The following PAM16 variants were observed in gnomAD, a reference collection of about 807,000 sequenced individuals.
The protein encoded by PAM16 is presequence translocase associated motor 16.
Under a neutral mutation model 17.9 loss-of-function variants are expected in PAM16, and 11 were observed. The observed-to-expected ratio is 0.62, with a 90% CI of 0.39 to 1.02. The LOEUF (loss-of-function observed/expected upper bound fraction) is 1.02. Among genes scored for constraint, PAM16 ranks in the 50% least tolerant of loss-of-function variants. The probability of loss-of-function intolerance (pLI) is 0.01; values close to 1 mark genes in which losing one functional copy is unlikely to be tolerated. For synonymous variants in PAM16, 72 were observed against 67.4 expected, an observed-to-expected ratio of 1.07 and a Z score of -0.34; for missense variants, 199 against 165.4, an observed-to-expected ratio of 1.20 and a Z score of -1.11.
At chr16:4,351,132 C>T (rs1185631847) in intron 1 of PAM16, 100 bp downstream of exon 1, 10 of 584,258 alleles carry the variant, frequency 1.7e-5, no homozygotes, top group African/African-American at 3.9e-5. Context: ...ACGCAGGGGG[C>T]GCACGGCGCC....
At chr16:4,340,445 C>T (rs1475969670) in intron 4 of PAM16, 40 bp from the exon 5 acceptor site, 1 of 1,598,092 alleles carries the variant, frequency 6.3e-7, no homozygotes, top group Admixed American at 1.7e-5. Flanking sequence ...GGCCAAGCCT[C>T]CGCCCCATAC....
chr16:4,342,146 C>G (rs531124259), intron 2 of PAM16, among the ~76,000 whole-genome samples: 98 of 152,076 alleles, frequency 6.4e-4, no homozygotes, highest in African/African-American at 2.3e-3. Context: ...GTCAAGAGAT[C>G]GAGACCATCC....
rs9934739 is a variant in PAM16, at chr16:4,350,312, A to G, written c.3+920T>C. ...GTATATATTATGTGTGTGTGTGTGT[A>G]TATATATATATAAAATACATGATAT... On this transcript the variant is annotated intron_variant, in intron 1 of 4. Transcript: ENST00000318059. Among the ~76,000 whole-genome samples the G allele has an allele frequency of 3.0e-3, 435 of 146,476 alleles. 2 individuals are homozygous for G. The highest frequency in any genetic ancestry group is 4.3e-3 in the African/African-American group (171 of 40,030).
At chr16:4,341,223 G>T in intron 3 of PAM16, 145 bp downstream of exon 3, 1 of 1,376,784 alleles carries the variant, frequency 7.3e-7, no homozygotes, top group Non-Finnish European at 9.8e-7. Flanking sequence ...AAAACTTCAC[G>T]AGCAACAGTG....
At chr16:4,342,820 A>G (rs2053669840) in intron 2 of PAM16, among the ~76,000 whole-genome samples, 1 of 151,818 alleles carries the variant, frequency 6.6e-6, no homozygotes. Context: ...TTAGCCTGGT[A>G]TGGTGTCGGG....
intron 1 of PAM16, chr16:4,345,612 A>C (rs1476366963): frequency 2.0e-5 from 3 of 152,820 alleles, no homozygotes; most frequent in African/African-American, 7.2e-5. Flanking sequence ...TAGGGGAATG[A>C]ACAAACAAGT....
At chr16:4,350,354 CAT>C (rs1416935175) in intron 1 of PAM16, among the ~76,000 whole-genome samples, 2 of 149,024 alleles carry the variant, frequency 1.3e-5, no homozygotes, top group East Asian at 1.9e-4. Context: ...ATATATATAA[CAT>C]AATAATATGT....
rs777632873 is a variant in PAM16, at chr16:4,343,187, G to A, written c.88+20C>T. 1 of 1,612,174 alleles carries A rather than the reference G, an allele frequency of 6.2e-7. No homozygotes were observed. The highest frequency in any genetic ancestry group is 8.5e-7 in the Non-Finnish European group (1 of 1,179,648). ...TGGAGAGGAACTCCCAGCCCACAGG[G>A]GAGACGGACCCATGCTTACCTGCAA... On this transcript the variant is annotated intron_variant, in intron 2 of 4. Transcript: ENST00000318059.
At chr16:4,341,826 C>A (rs750870657) in intron 2 of PAM16, among the ~76,000 whole-genome samples, 1 of 152,130 alleles carries the variant, frequency 6.6e-6, no homozygotes, top group Non-Finnish European at 1.5e-5. Context: ...CTTTAGGCTA[C>A]GATGGAGACT....
intron 2 of PAM16, among the ~76,000 whole-genome samples, chr16:4,341,882 T>C (rs951078818): frequency 1.3e-5 from 2 of 152,230 alleles, no homozygotes; most frequent in African/African-American, 4.8e-5. Context: ...GGGGCCCAGC[T>C]GCCCACCTGT....
chr16:4,349,041 G>A (rs900245358), intron 1 of PAM16, among the ~76,000 whole-genome samples: 1 of 138,410 alleles, frequency 7.2e-6, no homozygotes, highest in South Asian at 2.3e-4. Context: ...CTGCAAGCTC[G>A]GCCTCCCGGG....
intron 1 of PAM16, chr16:4,343,883 A>G: frequency 2.5e-6 from 1 of 397,986 alleles, no homozygotes; most frequent in Non-Finnish European, 4.4e-6. Context: ...TATGGACCAA[A>G]TCATGAGGGA....
chr16:4,348,225 C>G (rs1361966886), intron 1 of PAM16: 1 of 152,266 alleles, frequency 6.6e-6, no homozygotes, highest in Non-Finnish European at 1.5e-5. Context: ...GCCCCTGGTG[C>G]ATCTGAATGA....
chr16:4,341,959 T>C (rs1481898029), intron 2 of PAM16, among the ~76,000 whole-genome samples: 1 of 152,100 alleles, frequency 6.6e-6, no homozygotes, highest in African/African-American at 2.4e-5. Flanking sequence ...GAACCTAGAA[T>C]CAGGAGCTGC....
At chr16:4,345,917 G>C (rs527776970) in intron 1 of PAM16, 4 of 985,132 alleles carry the variant, frequency 4.1e-6, no homozygotes, top group East Asian at 1.1e-4. Flanking sequence ...TCAGGTCTCA[G>C]ACTACCCCTC....
intron 1 of PAM16, 80 bp from the exon 2 acceptor site, chr16:4,343,371 G>A (rs2053681521): frequency 6.5e-6 from 10 of 1,530,302 alleles, no homozygotes; most frequent in Non-Finnish European, 5.3e-6. Flanking sequence ...GGCTGCCGAG[G>A]GGCAAGGCTC....
At chr16:4,349,032 T>C (rs1237641688) in intron 1 of PAM16, among the ~76,000 whole-genome samples, 1 of 148,060 alleles carries the variant, frequency 6.8e-6, no homozygotes, top group African/African-American at 2.5e-5. Flanking sequence ...TTCGGCTCAC[T>C]GCAAGCTCGG....
intron 1 of PAM16, 126 bp from the exon 2 acceptor site, chr16:4,343,417 C>T: frequency 1.4e-6 from 2 of 1,462,622 alleles, no homozygotes; most frequent in South Asian, 1.4e-5. Context: ...AGAGCTGCAG[C>T]CCCAGGCCAA....
intron 1 of PAM16, among the ~76,000 whole-genome samples, chr16:4,350,287 G>C (rs2053828352): frequency 6.7e-6 from 1 of 148,830 alleles, no homozygotes; most frequent in Non-Finnish European, 1.5e-5. Context: ...GCTAACATAT[G>C]TATATATTAT....
Sources: gnomAD v4.1 joint callset for allele counts (sites outside exome capture counted in the v4.1 genomes callset) on GRCh38, gnomAD v4.1.1 for gene constraint, MANE v1.5 for transcripts, NCBI Gene and HGNC (gene_info 2026-07-23, HGNC 2026-07-21) for gene names.